DDX47: variants seen among roughly 807,000 people sequenced by gnomAD.
DDX47 encodes the protein probable ATP-dependent RNA helicase DDX47.
In DDX47, 60 loss-of-function variants were observed where a neutral mutation model predicts 58.8. The observed-to-expected ratio is 1.02, with a 90% CI of 0.83 to 1.26. DDX47 has a LOEUF of 1.26. DDX47 is among the 50% of genes most tolerant of loss of function. The pLI is 0.00. For missense variants in DDX47, 530 were observed against 573.2 expected (o/e 0.92, Z 0.77); for synonymous variants, 197 against 204.6 (o/e 0.96, Z 0.32).
At chr12:12,827,945 G>A (rs1425936000) in intron 11 of DDX47, among the ~76,000 whole-genome samples, 1 of 134,732 alleles carries the variant, frequency 7.4e-6, no homozygotes, top group African/African-American at 2.8e-5. Context: ...GTGCAATCTC[G>A]GCTCACCACA....
chr12:12,821,171 A>G, intron 2 of DDX47, 37 bp from the exon 3 acceptor site: 4 of 1,605,430 alleles, frequency 2.5e-6, no homozygotes, highest in Non-Finnish European at 3.4e-6. Context: ...AATAGCGCAA[A>G]GAGATTACTT....
At position 12,828,483 on chromosome 12, in the gene DDX47, A is replaced by G. The variant is rs12578295; in HGVS notation, c.1237-940A>G. On this transcript the variant is annotated intron_variant, in intron 11 of 11. Coordinates refer to ENST00000358007, the MANE Select transcript of DDX47 (RefSeq NM_016355.4). ...GTCCCAAGCATTTCAGATAAGGGAT[A>G]CTCACCCTGTAAGTAGTAGTAACAG... Among the ~76,000 whole-genome samples the G allele has an allele frequency of 2.9e-3, 435 of 152,272 alleles. 14 individuals carry two copies. In the East Asian group the frequency reaches 0.076, roughly 27 times the overall value.
chr12:12,827,338 CAG>C lies in DDX47; in HGVS notation c.1201_1202del (p.Glu401ThrfsTer4). On this transcript the variant is annotated frameshift_variant, in exon 11 of 12. Transcript: ENST00000358007. LOFTEE classifies it high-confidence loss of function. ...CAGGATGATGAGGTTATGATGCTGA[CAG>C]AACGCGTCGCTGAAGCCCAAAGGTT... 1.6e-5 allele frequency: 26 copies of C among 1,614,144 alleles called. No homozygotes were observed. Among genetic ancestry groups the C allele is most frequent in the Non-Finnish European group, 2.2e-5 (26 of 1,180,014 alleles).
At chr12:12,824,762 T>A in intron 9 of DDX47, 85 bp downstream of exon 9, 1 of 1,438,158 alleles carries the variant, frequency 7.0e-7, no homozygotes, top group Non-Finnish European at 9.6e-7. Context: ...GTTACAGCAG[T>A]TATTTTGTTC....
At chr12:12,820,709 C>G (rs1862956434) in intron 2 of DDX47, 1 of 159,724 alleles carries the variant, frequency 6.3e-6, no homozygotes. Flanking sequence ...CCTTGTTGGT[C>G]AGACTGGTCT....
chr12:12,818,009 G>T (rs958815140), intron 2 of DDX47, among the ~76,000 whole-genome samples: 1 of 152,146 alleles, frequency 6.6e-6, no homozygotes, highest in Non-Finnish European at 1.5e-5. Context: ...TGCTGTTCCC[G>T]AAGGTGTATT....
intron 2 of DDX47, among the ~76,000 whole-genome samples, chr12:12,816,458 A>G (rs749352678): frequency 3.9e-5 from 6 of 152,208 alleles, no homozygotes; most frequent in African/African-American, 1.4e-4. Context: ...ATTGTATACC[A>G]TAAGTATAAT....
chr12:12,827,858 C>A (rs561064842), intron 11 of DDX47, among the ~76,000 whole-genome samples: 2 of 147,494 alleles, frequency 1.4e-5, no homozygotes, highest in Non-Finnish European at 3.0e-5. Flanking sequence ...AAACCAAGAT[C>A]CAAAACTTTT....
rs76034724 is a variant in DDX47 at position 12,817,825 on chromosome 12, T to C, written c.182-3383T>C. The stretch of plus-strand genomic sequence containing the variant: ...CTGAGGGTTGCTGTGAGGGACTTAC[T>C]AAAAAACTGAAAGCAGTGCAGGCCT... On this transcript the variant is annotated intron_variant, in intron 2 of 11. Coordinates refer to ENST00000358007, the MANE Select transcript of DDX47 (RefSeq NM_016355.4). Among the ~76,000 whole-genome samples, 19 of 152,290 alleles carry C rather than the reference T, an allele frequency of 1.2e-4. No individual in the cohort carries two copies. The East Asian group carries it at 3.7e-3, about 29-fold the overall frequency.
chr12:12,813,676 T>C (rs973169869), intron 1 of DDX47, among the ~76,000 whole-genome samples: 1 of 152,218 alleles, frequency 6.6e-6, no homozygotes, highest in Non-Finnish European at 1.5e-5. Flanking sequence ...TTCGCCACTT[T>C]AGTGTGGCAA....
chr12:12,823,275 G>A lies in DDX47; in HGVS notation c.706G>A (p.Glu236Lys). ...CGTTTCCTCTAAATACCAGACAGTT[G>A]AAAAATTACAGCAATATTATATTTT... Reference protein sequence around the residue: ...CAVSSKYQTVEKLQQYYIFIP... With the variant: ...CAVSSKYQTVKKLQQYYIFIP... Residue 236 changes from glutamate (E) to lysine (K), a missense_variant, in exon 7 of 12, where the codon GAA (glutamate) becomes AAA (lysine). Coordinates refer to ENST00000358007, the MANE Select transcript of DDX47 (RefSeq NM_016355.4). 1 of 1,611,606 alleles carries A rather than the reference G, an allele frequency of 6.2e-7. No homozygotes were observed. The highest frequency in any genetic ancestry group is 1.1e-5 in the South Asian group (1 of 91,014).
chr12:12,816,982 A>G lies in DDX47; in HGVS notation c.181+2758A>G, dbSNP rs2136418807. 1.3e-5 allele frequency among the ~76,000 whole-genome samples: 2 copies of G among 152,330 alleles called. 1 individual carries two copies. The highest frequency in any genetic ancestry group is 4.1e-4 in the South Asian group (2 of 4,826). ...AAAAGAATAGGGAGGGGTCAGTGGA[A>G]GATTACTAGGAACTGACAGAAATGA... On this transcript the variant is annotated intron_variant, in intron 2 of 11. Coordinates refer to ENST00000358007, the MANE Select transcript of DDX47 (RefSeq NM_016355.4).
chr12:12,825,960 A>G, intron 9 of DDX47, 40 bp from the exon 10 acceptor site: 1 of 1,526,980 alleles, frequency 6.5e-7, no homozygotes, highest in East Asian at 2.3e-5. Context: ...TTAAACTTAT[A>G]ATCCATATAA....
chr12:12,813,494 T>G, intron 1 of DDX47, 40 bp downstream of exon 1: 1 of 1,550,302 alleles, frequency 6.5e-7, no homozygotes, highest in Non-Finnish European at 8.8e-7. Context: ...TGTACTCTGG[T>G]GCTAGGCTCA....
In DDX47 at chr12:12,823,846, T is replaced by C. The variant is rs766841484; in HGVS notation, c.751-24T>C. On this transcript the variant is annotated intron_variant, in intron 7 of 11. Transcript: ENST00000358007. Reference sequence around the variant, plus strand: ...CCTGTCTCCCAGGTTCAATGACATATATTGTTTTGGGTTTGTAACTTAGGA... The same window carrying C: ...CCTGTCTCCCAGGTTCAATGACATACATTGTTTTGGGTTTGTAACTTAGGA... The C allele has an allele frequency of 2.5e-6, 4 of 1,609,912 alleles. No homozygotes were observed. In the South Asian group the frequency reaches 3.3e-5, roughly 13 times the overall value.
intron 8 of DDX47, 74 bp from the exon 9 acceptor site, chr12:12,824,466 G>C (rs1010878): frequency 4.0e-6 from 6 of 1,509,070 alleles, no homozygotes; most frequent in Admixed American, 4.4e-5. Flanking sequence ...GTTTGTTCTC[G>C]TGTTTGTCTA....
At chr12:12,823,073 C>T (rs1026536279) in intron 6 of DDX47, 130 bp from the exon 7 acceptor site, 2 of 702,608 alleles carry the variant, frequency 2.8e-6, no homozygotes, top group Admixed American at 2.3e-5. Context: ...TAACCTCCCA[C>T]CAGGTCCCTC....
At chr12:12,825,849 G>A in intron 9 of DDX47, 151 bp from the exon 10 acceptor site, 1 of 559,986 alleles carries the variant, frequency 1.8e-6, no homozygotes, top group Non-Finnish European at 3.1e-6. Context: ...AAGTAGATTT[G>A]TCTCAACAAA....
At chr12:12,827,118 A>ATAT in intron 10 of DDX47, 128 bp from the exon 11 acceptor site, 4 of 1,217,894 alleles carry the variant, frequency 3.3e-6, no homozygotes, top group Non-Finnish European at 4.6e-6. Flanking sequence ...TATTTAGAAA[A>ATAT]GAAATAATAT....
Sources: allele counts gnomAD v4.1 joint callset (sites outside exome capture counted in the v4.1 genomes callset), GRCh38; gene constraint gnomAD v4.1.1; transcripts MANE v1.5; gene names NCBI Gene and HGNC (gene_info 2026-07-23, HGNC 2026-07-21).